Variants in CTNNA3 observed in about 807,000 individuals in gnomAD.
The protein encoded by CTNNA3 is catenin alpha-3.
In CTNNA3, 76 loss-of-function variants were observed where a neutral mutation model predicts 95.7. The observed-to-expected ratio is 0.79, with a 90% CI of 0.66 to 0.96. The LOEUF (loss-of-function observed/expected upper bound fraction) is 0.96, where lower values mean the gene tolerates loss of function less well. Ranked by LOEUF, CTNNA3 falls within the 40% of genes least tolerant of loss-of-function variation. The pLI, the probability that CTNNA3 is intolerant of heterozygous loss-of-function variation, is 0.00. For synonymous variants in CTNNA3, 431 were observed against 374.4 expected (o/e 1.15, Z -1.74); for missense variants, 1,191 against 1,089.8 (o/e 1.09, Z -1.31).
chr10:67,281,355 T>A (rs1272547532), intron 5 of CTNNA3, among the ~76,000 whole-genome samples: 1 of 152,232 alleles, frequency 6.6e-6, no homozygotes, highest in Non-Finnish European at 1.5e-5. Context: ...TTGATTCAGT[T>A]GCAAGTCCTT....
chr10:66,291,366 G>A (rs536114234), intron 12 of CTNNA3, among the ~76,000 whole-genome samples: 1 of 152,254 alleles, frequency 6.6e-6, no homozygotes, highest in South Asian at 2.1e-4. Context: ...GGAGTTCCTG[G>A]TTCAATAGGT....
chr10:67,740,277 G>C (rs568615749), intron 1 of CTNNA3, among the ~76,000 whole-genome samples: 441 of 152,170 alleles, frequency 2.9e-3, no homozygotes, highest in African/African-American at 9.8e-3. Context: ...AACACCAAAA[G>C]CAATGGCAAC....
intron 10 of CTNNA3, among the ~76,000 whole-genome samples, chr10:66,608,352 T>C (rs2132277562): frequency 6.6e-6 from 1 of 152,168 alleles, no homozygotes; most frequent in East Asian, 1.9e-4. Context: ...GAATCAAAAT[T>C]CTTAAAATGA....
intron 16 of CTNNA3, among the ~76,000 whole-genome samples, chr10:65,972,336 C>A (rs1029624455): frequency 6.6e-6 from 1 of 152,008 alleles, no homozygotes; most frequent in Non-Finnish European, 1.5e-5. Context: ...GTCCCAGCCA[C>A]AGCAATCAGG....
chr10:66,997,346 A>T (rs971518319), intron 7 of CTNNA3, among the ~76,000 whole-genome samples: 4 of 152,196 alleles, frequency 2.6e-5, no homozygotes, highest in African/African-American at 9.6e-5. Context: ...AATGACCACA[A>T]ATTCTTTCTT....
intron 5 of CTNNA3, among the ~76,000 whole-genome samples, chr10:67,482,284 A>G (rs1223426118): frequency 1.3e-5 from 2 of 152,092 alleles, no homozygotes; most frequent in African/African-American, 4.8e-5. Context: ...AATTCTGTGA[A>G]GAAAGTCATT....
At chr10:66,611,698 G>GT (rs143428528) in intron 10 of CTNNA3, among the ~76,000 whole-genome samples, 3,663 of 152,204 alleles carry the variant, frequency 0.024, 90 homozygotes, top group South Asian at 0.066. Context: ...CTTCACTGGA[G>GT]TATCTGTCTT....
At chr10:66,501,715 G>A (rs1840284161) in intron 11 of CTNNA3, among the ~76,000 whole-genome samples, 1 of 152,028 alleles carries the variant, frequency 6.6e-6, no homozygotes, top group Non-Finnish European at 1.5e-5. Flanking sequence ...TTAGCTTTGA[G>A]TTTTCATATA....
At chr10:67,741,346 CA>C (rs542236311) in intron 1 of CTNNA3, among the ~76,000 whole-genome samples, 6,713 of 128,436 alleles carry the variant, frequency 0.052, 303 homozygotes, top group African/African-American at 0.1. Context: ...AAAAAAAGAA[CA>C]AAAAAAAAAA....
chr10:67,708,564 A>G (rs1841090456), intron 1 of CTNNA3, among the ~76,000 whole-genome samples: 1 of 152,178 alleles, frequency 6.6e-6, no homozygotes, highest in Admixed American at 6.6e-5. Flanking sequence ...TGAAGCATTA[A>G]CACACTTAAT....
chr10:66,105,061 G>A (rs1186537148), intron 13 of CTNNA3, among the ~76,000 whole-genome samples: 1 of 152,116 alleles, frequency 6.6e-6, no homozygotes, highest in Non-Finnish European at 1.5e-5. Context: ...TTGCAGAAGA[G>A]CATTTTGCAT....
intron 14 of CTNNA3, among the ~76,000 whole-genome samples, chr10:66,096,444 T>G (rs1328551073): frequency 6.6e-6 from 1 of 152,116 alleles, no homozygotes; most frequent in African/African-American, 2.4e-5. Flanking sequence ...AGATGTATTT[T>G]TTTCTCTTTT....
At chr10:67,425,621 T>C (rs1297448475) in intron 5 of CTNNA3, among the ~76,000 whole-genome samples, 1 of 152,180 alleles carries the variant, frequency 6.6e-6, no homozygotes, top group African/African-American at 2.4e-5. Context: ...AATATCCATA[T>C]ATTAGCTGCT....
chr10:66,382,283 A>G (rs2441720), intron 11 of CTNNA3, among the ~76,000 whole-genome samples: 97,414 of 152,086 alleles, frequency 0.64, 32,735 homozygotes, highest in East Asian at 0.88. Context: ...ATTCTCTCCC[A>G]TGCCTGGCTC....
intron 9 of CTNNA3, among the ~76,000 whole-genome samples, chr10:66,698,934 T>C (rs1000440723): frequency 6.6e-6 from 1 of 152,202 alleles, no homozygotes; most frequent in African/African-American, 2.4e-5. Context: ...CCGGATCATT[T>C]AAAAAATTCC....
intron 15 of CTNNA3, among the ~76,000 whole-genome samples, chr10:66,060,561 C>T (rs1052876070): frequency 3.3e-5 from 5 of 151,900 alleles, no homozygotes; most frequent in African/African-American, 7.3e-5. Flanking sequence ...CATAGCCAAT[C>T]GGAGAAAGTC....
intron 7 of CTNNA3, among the ~76,000 whole-genome samples, chr10:66,778,510 A>T (rs1840403264): frequency 6.6e-6 from 1 of 152,118 alleles, no homozygotes; most frequent in African/African-American, 2.4e-5. Flanking sequence ...TCCTTAAAGA[A>T]ATCCTTGACA....
intron 5 of CTNNA3, among the ~76,000 whole-genome samples, chr10:67,517,462 C>A (rs915232429): frequency 6.6e-6 from 1 of 151,110 alleles, no homozygotes; most frequent in Non-Finnish European, 1.5e-5. Flanking sequence ...TATTATGTAC[C>A]CTTCTGGCTT....
intron 3 of CTNNA3, among the ~76,000 whole-genome samples, chr10:67,588,224 ATC>A (rs764993067): frequency 2.1e-5 from 2 of 97,420 alleles, no homozygotes; most frequent in African/African-American, 1.5e-4. Context: ...GTTAAGATCT[ATC>A]TTATTATTAA....
Sources: gnomAD v4.1 joint callset for allele counts (sites outside exome capture counted in the v4.1 genomes callset) on GRCh38, gnomAD v4.1.1 for gene constraint, MANE v1.5 for transcripts, NCBI Gene and HGNC (gene_info 2026-07-23, HGNC 2026-07-21) for gene names.